Variants in CDC16 observed in about 807,000 individuals in gnomAD.
The protein encoded by CDC16 is cell division cycle 16, also known as cell division cycle protein 16 homolog.
A neutral mutation model predicts 87.0 loss-of-function variants in CDC16; 34 were observed. The ratio of observed to expected loss-of-function variants is 0.39; its 90% CI spans 0.30 to 0.52. The LOEUF (loss-of-function observed/expected upper bound fraction) is 0.52. Ranked by LOEUF, CDC16 falls within the 20% of genes least tolerant of loss-of-function variation. The pLI is 0.74. For missense variants in CDC16, 653 were observed against 751.9 expected, an observed-to-expected ratio of 0.87 and a Z score of 1.54; for synonymous variants, 263 against 260.6, an observed-to-expected ratio of 1.01 and a Z score of -0.09.
chr13:114,253,388 T>C (rs2082305153), intron 12 of CDC16, among the ~76,000 whole-genome samples: 1 of 152,134 alleles, frequency 6.6e-6, no homozygotes. Flanking sequence ...ATTTTAGTCC[T>C]TTTAAATTTA....
rs553657799 is a variant in CDC16 at position 114,263,079 on chromosome 13, T to C, written c.1512+65T>C. The C allele has an allele frequency of 8.5e-6, 12 of 1,407,708 alleles. No individual in the cohort carries two copies. The African/African-American group carries it at 1.6e-4, about 18-fold the overall frequency. 87.2% of individuals were successfully genotyped at this position (1,407,708 alleles called of 1,614,324 possible). On this transcript the variant is annotated intron_variant, in intron 16 of 17. Transcript: ENST00000356221. ...CATTGACCACTTCCTTTTTTGAAAA[T>C]ATTTTTTCTAGGTAATATTGACTTA...
intron 3 of CDC16, among the ~76,000 whole-genome samples, chr13:114,237,887 C>A (rs969173362): frequency 2.6e-5 from 4 of 152,200 alleles, no homozygotes; most frequent in African/African-American, 4.8e-5. Flanking sequence ...CTTTAAAACA[C>A]GGATGTGGTT....
intron 14 of CDC16, among the ~76,000 whole-genome samples, chr13:114,259,657 A>C (rs1365845416): frequency 6.6e-6 from 1 of 152,158 alleles, no homozygotes; most frequent in African/African-American, 2.4e-5. Context: ...ATCAGAATAG[A>C]TTGGGTGATT....
In CDC16 at chr13:114,272,602, T is replaced by G. The variant is rs1031367692; in HGVS notation, c.*159T>G. On this transcript the variant is annotated 3_prime_UTR_variant, in exon 18 of 18. Transcript: ENST00000356221. ...CCTTAAGAGACTGGATCGCACACCTTTGCAACAGATGTGTTCTGATTCTCT... is the reference window on the plus strand; with the variant it reads ...CCTTAAGAGACTGGATCGCACACCTGTGCAACAGATGTGTTCTGATTCTCT... 1.7e-6 allele frequency: 1 copy of G among 577,144 alleles called. No homozygotes were observed. Among genetic ancestry groups the G allele is most frequent in the Non-Finnish European group, 3.0e-6 (1 of 332,418 alleles). The allele number at this position is 577,144 out of a possible 1,614,324, so 35.8% of individuals were successfully genotyped here.
chr13:114,250,506 A>T (rs79764397), intron 11 of CDC16, 43 bp from the exon 12 acceptor site: 19 of 1,545,722 alleles, frequency 1.2e-5, no homozygotes, highest in Non-Finnish European at 1.6e-5. Context: ...AAAAAAAAAA[A>T]AGAATAAATA....
At chr13:114,252,739 C>G (rs1467567984) in intron 12 of CDC16, among the ~76,000 whole-genome samples, 5 of 152,096 alleles carry the variant, frequency 3.3e-5, no homozygotes, top group Non-Finnish European at 7.4e-5. Context: ...TTCTCAGAAA[C>G]AGAATAGTTA....
chr13:114,245,982 C>T lies in CDC16; in HGVS notation c.848-18C>T, dbSNP rs535891590. ...TGTGATACGAACAATTGTTCTTTTT[C>T]TGCTTTTTCCTGAACAGAACTTTTC... On this transcript the variant is annotated intron_variant, in intron 9 of 17. Coordinates refer to ENST00000356221, the MANE Select transcript of CDC16 (RefSeq NM_001078645.3). 14 of 1,420,864 alleles carry T rather than the reference C, an allele frequency of 9.9e-6. No individual in the cohort carries two copies. The East Asian group carries it at 1.9e-4, about 19-fold the overall frequency. 88.0% of individuals were successfully genotyped at this position (1,420,864 alleles called of 1,614,324 possible). A position where few individuals can be genotyped will look rare whatever the true frequency, so the allele number is the denominator to read the frequency against.
intron 12 of CDC16, among the ~76,000 whole-genome samples, chr13:114,252,096 AG>A (rs1405352438): frequency 2.0e-5 from 3 of 151,186 alleles, no homozygotes; most frequent in Non-Finnish European, 4.4e-5. Flanking sequence ...CTGTTGGATA[AG>A]AGCCCTACAC....
intron 15 of CDC16, 22 bp from the exon 16 acceptor site, chr13:114,262,857 A>T (rs890431763): frequency 6.2e-7 from 1 of 1,613,848 alleles, no homozygotes; most frequent in Admixed American, 1.7e-5. Flanking sequence ...ACTGTAGCCA[A>T]TAATTGTGTT....
chr13:114,263,353 A>T (rs2082968235), intron 16 of CDC16, among the ~76,000 whole-genome samples: 1 of 152,230 alleles, frequency 6.6e-6, no homozygotes, highest in Non-Finnish European at 1.5e-5. Flanking sequence ...CTTAGATCAC[A>T]TTAGTAGATG....
intron 3 of CDC16, among the ~76,000 whole-genome samples, chr13:114,238,354 T>C (rs4465489): frequency 0.042 from 3,282 of 78,408 alleles, 41 homozygotes; most frequent in Middle Eastern, 0.067. Context: ...TCTCCTCGGA[T>C]GCCCAGCAGT....
chr13:114,237,657 C>G (rs1005271556), intron 3 of CDC16, among the ~76,000 whole-genome samples: 1 of 152,120 alleles, frequency 6.6e-6, no homozygotes, highest in Non-Finnish European at 1.5e-5. Flanking sequence ...TCTTTTTCCC[C>G]CATCTCCCAT....
chr13:114,270,914 CTTTTTTTTTT>C (rs571053869), intron 17 of CDC16, among the ~76,000 whole-genome samples: 1 of 101,140 alleles, frequency 9.9e-6, no homozygotes, highest in Non-Finnish European at 1.9e-5. Flanking sequence ...AGAGATTTAC[CTTTTTTTTTT>C]TTTTTTTTTT....
intron 11 of CDC16, among the ~76,000 whole-genome samples, chr13:114,249,616 A>G (rs17291292): frequency 2.6e-5 from 4 of 152,280 alleles, no homozygotes; most frequent in Admixed American, 2.0e-4. Context: ...ACTGTATACA[A>G]TTATTCACTG....
rs1433492479 is a variant in CDC16 at position 114,272,575 on chromosome 13, C to T, written c.*132C>T. 2.1e-5 allele frequency: 15 copies of T among 713,722 alleles called. No homozygotes were observed. The highest frequency in any genetic ancestry group is 2.7e-5 in the Non-Finnish European group (12 of 440,476). 44.2% of individuals were successfully genotyped at this position (713,722 alleles called of 1,614,324 possible). ...ATCTCTACATTTAGGAACAGAGACCCGCCTTAAGAGACTGGATCGCACACC... is the reference window on the plus strand; with the variant it reads ...ATCTCTACATTTAGGAACAGAGACCTGCCTTAAGAGACTGGATCGCACACC... On this transcript the variant is annotated 3_prime_UTR_variant, in exon 18 of 18. Transcript: ENST00000356221.
chr13:114,248,392 G>T (rs531207674), intron 11 of CDC16, among the ~76,000 whole-genome samples: 25 of 152,212 alleles, frequency 1.6e-4, no homozygotes, highest in Non-Finnish European at 1.5e-5. Context: ...TTAAAAATGG[G>T]GATGTCAGCC....
intron 8 of CDC16, chr13:114,244,492 ATTAG>A (rs1389790216): frequency 6.1e-6 from 1 of 163,528 alleles, no homozygotes; most frequent in Non-Finnish European, 1.3e-5. Context: ...TAACCTATTT[ATTAG>A]TTTGGTGCAA....
intron 17 of CDC16, among the ~76,000 whole-genome samples, chr13:114,265,976 T>C (rs17338319): frequency 0.024 from 3,712 of 152,248 alleles, 155 homozygotes; most frequent in African/African-American, 0.085. Flanking sequence ...CTACCACGCC[T>C]AGCTAATTAT....
At chr13:114,235,996 C>T (rs566560741) in intron 1 of CDC16, among the ~76,000 whole-genome samples, 1 of 152,300 alleles carries the variant, frequency 6.6e-6, no homozygotes, top group African/African-American at 2.4e-5. Flanking sequence ...CAGCAGTGGT[C>T]CTGGCTTGTC....
Sources: allele counts gnomAD v4.1 joint callset (sites outside exome capture counted in the v4.1 genomes callset), GRCh38; gene constraint gnomAD v4.1.1; transcripts MANE v1.5; gene names NCBI Gene and HGNC (gene_info 2026-07-23, HGNC 2026-07-21).